The following HMCN2 variants were observed in gnomAD, a reference collection of about 807,000 sequenced individuals.
The protein encoded by HMCN2 is hemicentin 2.
Under a neutral mutation model 377.5 loss-of-function variants are expected in HMCN2, and 325 were observed. The ratio of observed to expected loss-of-function variants is 0.86; its 90% confidence interval spans 0.79 to 0.94. HMCN2 has a LOEUF of 0.94. Ranked by LOEUF, HMCN2 falls within the 40% of genes least tolerant of loss-of-function variation. The pLI is 0.00. For synonymous variants in HMCN2, 2,007 were observed against 2,046.8 expected, an observed-to-expected ratio of 0.98 and a Z score of 0.53; for missense variants, 4,543 against 4,725.3, an observed-to-expected ratio of 0.96 and a Z score of 1.13.
intron 43 of HMCN2, among the ~76,000 whole-genome samples, chr9:130,367,041 C>A (rs1476842062): frequency 6.6e-6 from 1 of 151,992 alleles, no homozygotes; most frequent in Non-Finnish European, 1.5e-5. Context: ...GAGAATATCA[C>A]AGGGAAATGC....
intron 86 of HMCN2, chr9:130,419,486 T>G: frequency 6.4e-6 from 1 of 156,194 alleles, no homozygotes. Context: ...GCCATCTCGA[T>G]TCCTCAATCA....
intron 4 of HMCN2, among the ~76,000 whole-genome samples, chr9:130,294,525 G>T (rs117398387): frequency 0.024 from 3,665 of 152,236 alleles, 52 homozygotes; most frequent in Non-Finnish European, 0.032. Context: ...TTCATTGTGT[G>T]TAAGAGGCAC....
At chr9:130,426,361 A>G (rs961581638) in intron 90 of HMCN2, among the ~76,000 whole-genome samples, 1 of 152,250 alleles carries the variant, frequency 6.6e-6, no homozygotes, top group African/African-American at 2.4e-5. Context: ...ATACGTTCAC[A>G]TTATTTGAGG....
chr9:130,397,467 A>G, intron 73 of HMCN2, 61 bp from the exon 74 acceptor site: 1 of 1,268,258 alleles, frequency 7.9e-7, no homozygotes, highest in Non-Finnish European at 1.0e-6. Flanking sequence ...CTTGCTAGAG[A>G]CAGCCTTGCT....
chr9:130,296,582 A>C (rs1410195165), intron 6 of HMCN2, 92 bp from the exon 7 acceptor site: 1 of 422,054 alleles, frequency 2.4e-6, no homozygotes, highest in Admixed American at 2.5e-5. Context: ...CCAGCTGCTG[A>C]TGCAGGGCTG....
chr9:130,382,645 G>T, intron 55 of HMCN2, 34 bp from the exon 56 acceptor site: 1 of 775,184 alleles, frequency 1.3e-6, no homozygotes, highest in Non-Finnish European at 1.6e-6. Flanking sequence ...AGGGACCTGT[G>T]CCAGCCCCTC....
At position 130,423,241 on chromosome 9, in the gene HMCN2, G is replaced by A. The variant is rs1318051311; in HGVS notation, c.13381+515G>A. Among the ~76,000 whole-genome samples, 1 of 152,180 alleles carries A rather than the reference G, an allele frequency of 6.6e-6. No homozygotes were observed. The highest frequency in any genetic ancestry group is 1.9e-4 in the East Asian group (1 of 5,188). On this transcript the variant is annotated intron_variant, in intron 87 of 97. Transcript: ENST00000683500. This position sits in a 1 kb window ranked among gnomAD's most constrained non-coding sequence, Gnocchi z 5.5. ...CATGTACGGTGTCTGAGCGATGAAT[G>A]CTCTGAGAGACTTGCAGAGCTTGTG...
At chr9:130,279,462 C>T (rs1834991137) in intron 1 of HMCN2, among the ~76,000 whole-genome samples, 1 of 152,126 alleles carries the variant, frequency 6.6e-6, no homozygotes, top group Non-Finnish European at 1.5e-5. Context: ...AAGCAACTCT[C>T]CTGCCTCAGC....
chr9:130,426,301 G>A (rs529359810), intron 90 of HMCN2, among the ~76,000 whole-genome samples: 4 of 152,212 alleles, frequency 2.6e-5, no homozygotes, highest in Non-Finnish European at 5.9e-5. Flanking sequence ...TGGAACCCTA[G>A]AGACCCCCAG....
At chr9:130,343,556 G>T (rs976590805) in intron 25 of HMCN2, among the ~76,000 whole-genome samples, 1 of 143,964 alleles carries the variant, frequency 6.9e-6, no homozygotes, top group Non-Finnish European at 1.5e-5. Flanking sequence ...CCAGGTCCCC[G>T]GCCCTTGACT....
chr9:130,384,263 C>T lies in HMCN2; in HGVS notation c.8831-110C>T, dbSNP rs140108014. The stretch of plus-strand genomic sequence containing the variant: ...GTTTCTGAATTATTTGAAGTTGTGC[C>T]GAGGTGAAGCCCCAGGAGCTGGGTG... On this transcript the variant is annotated intron_variant, in intron 57 of 97. Coordinates refer to ENST00000683500, the MANE Select transcript of HMCN2 (RefSeq NM_001291815.2). 2.3e-4 allele frequency: 204 copies of T among 884,708 alleles called. No homozygotes were observed. In the East Asian group the frequency reaches 8.8e-3, roughly 38 times the overall value. The allele number at this position is 884,708 out of a possible 1,614,324, so 54.8% of individuals were successfully genotyped here. A position where few individuals can be genotyped will look rare whatever the true frequency, so the allele number is the denominator to read the frequency against.
At chr9:130,335,028 G>T (rs1292153460) in intron 22 of HMCN2, among the ~76,000 whole-genome samples, 1 of 152,062 alleles carries the variant, frequency 6.6e-6, no homozygotes, top group African/African-American at 2.4e-5. Context: ...TAGAGATGAG[G>T]TCTCCTTGTG....
chr9:130,402,949 G>A (rs1326142732), intron 78 of HMCN2, 53 bp downstream of exon 78: 2 of 1,245,736 alleles, frequency 1.6e-6, no homozygotes, highest in Non-Finnish European at 2.1e-6. Context: ...GGAGCAGGTG[G>A]AGAGCCAGAG....
chr9:130,430,910 C>T, intron 95 of HMCN2: 1 of 434,624 alleles, frequency 2.3e-6, no homozygotes, highest in East Asian at 4.0e-5. Context: ...AAACACTCCT[C>T]TTAGCACTCA....
chr9:130,358,571 G>C lies in HMCN2; in HGVS notation c.5677+85G>C. ...CCTTGGGGCTGAAGTGTGTGGCGAGGGAGGGGGAGGAGGTTTTTCAGTCAT... is the reference window on the plus strand; with the variant it reads ...CCTTGGGGCTGAAGTGTGTGGCGAGCGAGGGGGAGGAGGTTTTTCAGTCAT... On this transcript the variant is annotated intron_variant, in intron 36 of 97. Transcript: ENST00000683500. 14 of 1,214,060 alleles carry C rather than the reference G, an allele frequency of 1.2e-5. 1 individual carries two copies. The South Asian group carries it at 1.8e-4, about 15-fold the overall frequency. 75.2% of individuals were successfully genotyped at this position (1,214,060 alleles called of 1,614,324 possible).
chr9:130,395,117 TG>T lies in HMCN2; in HGVS notation c.10774+14del, dbSNP rs1424012750. 3 of 70,002 alleles carry T rather than the reference TG, an allele frequency of 4.3e-5. No homozygotes were observed. The highest frequency in any genetic ancestry group is 8.1e-4 in the African/African-American group (2 of 2,454). 4.3% of individuals were successfully genotyped at this position (70,002 alleles called of 1,614,324 possible). On this transcript the variant is annotated intron_variant, in intron 70 of 97. Coordinates refer to ENST00000683500, the MANE Select transcript of HMCN2 (RefSeq NM_001291815.2). ...CCGGGTCAGGGTTCAAGGTAGGTGG[TG>T]GGGGTGGGGTGGGGGCAGGGCCGGG...
In HMCN2 at chr9:130,266,133, C is replaced by T. The variant is rs1000117752; in HGVS notation, c.255C>T (p.Asp85=). The part of the protein sequence containing the change: ...IANYALVPFH[D]PDIGPVTLTA... ...ACTACGCGCTGGTGCCCTTCCACGA[C>T]CCAGGTAGCGCCCCCGCACCCCCGC... Residue 85 remains aspartate (D), a synonymous_variant, in exon 1 of 98, where the codon GAC becomes GAT. Transcript: ENST00000683500. 4 of 465,512 alleles carry T rather than the reference C, an allele frequency of 8.6e-6. No individual in the cohort carries two copies. The highest frequency in any genetic ancestry group is 6.2e-5 in the South Asian group (4 of 64,504). The allele number at this position is 465,512 out of a possible 1,614,324, so 28.8% of individuals were successfully genotyped here. A position where few individuals can be genotyped will look rare whatever the true frequency, so the allele number is the denominator to read the frequency against.
chr9:130,345,997 G>T (rs1194707773), intron 25 of HMCN2, among the ~76,000 whole-genome samples: 2 of 152,080 alleles, frequency 1.3e-5, no homozygotes, highest in African/African-American at 4.8e-5. Context: ...CACAGCATAA[G>T]TGTCTACCCC....
chr9:130,344,694 G>A (rs1389283976), intron 25 of HMCN2, among the ~76,000 whole-genome samples: 2 of 150,464 alleles, frequency 1.3e-5, no homozygotes, highest in African/African-American at 4.9e-5. Flanking sequence ...TGTATGTAGT[G>A]TGTGTGTATG....
Sources: gnomAD v4.1 joint callset for allele counts (sites outside exome capture counted in the v4.1 genomes callset) on GRCh38, gnomAD v4.1.1 for gene constraint, Gnocchi (gnomAD v3.1) non-coding constraint, MANE v1.5 for transcripts, NCBI Gene and HGNC (gene_info 2026-07-23, HGNC 2026-07-21) for gene names.